OR6B1: variants seen among roughly 807,000 people sequenced by gnomAD.
The protein encoded by OR6B1 is olfactory receptor 6B1.
OR6B1 carries 15 observed loss-of-function variants against 15.4 expected under a neutral mutation model. That is an observed-to-expected ratio of 0.97 (90% CI 0.65 to 1.50). The LOEUF (loss-of-function observed/expected upper bound fraction) is 1.50, where lower values mean the gene tolerates loss of function less well. Among genes scored for constraint, OR6B1 ranks in the 40% most tolerant of loss-of-function variants. OR6B1 has a pLI of 0.00. For synonymous variants in OR6B1, 139 were observed against 144.9 expected (o/e 0.96, Z 0.29); for missense variants, 384 against 385.0 (o/e 1.00, Z 0.02).
intron 1 of OR6B1, among the ~76,000 whole-genome samples, chr7:144,002,560 G>A (rs1375304479): frequency 3.9e-5 from 6 of 152,076 alleles, no homozygotes; most frequent in African/African-American, 9.7e-5. Flanking sequence ...CTGCTTCTCT[G>A]GAACCACAGT....
Position 144,005,642 on chromosome 7 carries a change from C to G in OR6B1, c.*710C>G, listed in dbSNP as rs1329565281. ...TAAATATCATCAAATATATGAATTG[C>G]CAAACAATAATTGCCCTCATTACTT... is the stretch of plus-strand genomic sequence containing the variant. On this transcript the variant is annotated 3_prime_UTR_variant, in exon 2 of 2. Coordinates refer to ENST00000641698, the MANE Select transcript of OR6B1 (RefSeq NM_001005281.3). 6.6e-6 allele frequency: 1 copy of G among 151,994 alleles called. No individual in the cohort carries two copies. Among genetic ancestry groups the G allele is most frequent in the Non-Finnish European group, 1.5e-5 (1 of 68,000 alleles). The allele number at this position is 151,994 out of a possible 1,614,324, so 9.4% of individuals were successfully genotyped here.
rs1411232187 is a variant in OR6B1, at chr7:144,007,297, G to C, written c.*2365G>C. ...AATCTGCCTCAACAGAGAAAATAAT[G>C]TATAGTGGATTACTGGTTAAATTCA... On this transcript the variant is annotated 3_prime_UTR_variant, in exon 2 of 2. Transcript: ENST00000641698. 1 of 152,100 alleles carries C rather than the reference G, an allele frequency of 6.6e-6. No homozygotes were observed. Among genetic ancestry groups the C allele is most frequent in the African/African-American group, 2.4e-5 (1 of 41,406 alleles). The allele number at this position is 152,100 out of a possible 1,614,324, so 9.4% of individuals were successfully genotyped here.
Position 144,004,069 on chromosome 7 carries a change from G to A in OR6B1, c.73G>A (p.Ala25Thr), listed in dbSNP as rs145508293. ...VGFPGSLSMR[A>T]AMFLIFLVAY... ...ATTCCCTGGGAGCTTGAGTATGCGG[G>A]CAGCCATGTTTCTGATATTCCTTGT... is the stretch of plus-strand genomic sequence containing the variant. The change falls in exon 2 of 2, where the codon GCA becomes ACA. Residue 25 changes from alanine (A) to threonine (T), a missense_variant. Coordinates refer to ENST00000641698, the MANE Select transcript of OR6B1 (RefSeq NM_001005281.3). The A allele has an allele frequency of 9.5e-5, 153 of 1,614,042 alleles. No homozygotes were observed. The Middle Eastern group carries it at 9.9e-4, about 10-fold the overall frequency.
chr7:144,001,920 C>G (rs542965256), intron 1 of OR6B1, among the ~76,000 whole-genome samples: 1 of 152,180 alleles, frequency 6.6e-6, no homozygotes, highest in Non-Finnish European at 1.5e-5. Context: ...TCTATACATT[C>G]ATTTCTGTTA....
At position 144,007,362 on chromosome 7, in the gene OR6B1, G is replaced by A. The variant is rs1400032111; in HGVS notation, c.*2430G>A. The A allele has an allele frequency of 6.6e-6, 1 of 152,056 alleles. No individual in the cohort carries two copies. Among genetic ancestry groups the A allele is most frequent in the East Asian group, 1.9e-4 (1 of 5,192 alleles). 9.4% of individuals were successfully genotyped at this position (152,056 alleles called of 1,614,324 possible). On this transcript the variant is annotated 3_prime_UTR_variant, in exon 2 of 2. Coordinates refer to ENST00000641698, the MANE Select transcript of OR6B1 (RefSeq NM_001005281.3). Reference sequence around the variant, plus strand: ...ATTTCTAAGGTGACACACAAAGCAAGCCGGAAGTTTCAGGGCATTTGGTGA... The same window carrying A: ...ATTTCTAAGGTGACACACAAAGCAAACCGGAAGTTTCAGGGCATTTGGTGA...
At position 144,004,367 on chromosome 7, in the gene OR6B1, TG is replaced by T. The variant is rs1366308412; in HGVS notation, c.373del (p.Ala125ProfsTer11). On this transcript the variant is annotated frameshift_variant, in exon 2 of 2. Transcript: ENST00000641698. LOFTEE classifies it high-confidence loss of function. ...GCCGCCATGGCCTATGACCGGTATG[TG>T]GCCATCTGTCGCCCACTCCACTACC... ...LLAAMAYDRY[V>X]AICRPLHYPT... 6.2e-7 allele frequency: 1 copy of T among 1,614,232 alleles called. No individual in the cohort carries two copies. Among genetic ancestry groups the T allele is most frequent in the South Asian group, 1.1e-5 (1 of 91,084 alleles).
rs745433880 is a variant in OR6B1 at position 144,004,771 on chromosome 7, C to T, written c.775C>T (p.Arg259Ter). Residue 259 changes from arginine (R) to a stop codon, truncating the protein, a stop_gained, in exon 2 of 2, where the codon CGA becomes TGA. Coordinates refer to ENST00000641698, the MANE Select transcript of OR6B1 (RefSeq NM_001005281.3). LOFTEE classifies it high-confidence loss of function. The part of the protein sequence containing the change: ...FYSAIIFMYA[R>*]PRVIHAFNMN... The stretch of plus-strand genomic sequence containing the variant: ...TTCAGCCATTATTTTCATGTATGCT[C>T]GACCTCGAGTTATCCATGCCTTCAA... 20 of 1,614,128 alleles carry T rather than the reference C, an allele frequency of 1.2e-5. No individual in the cohort carries two copies. The South Asian group carries it at 1.4e-4, about 12-fold the overall frequency.
rs150626608 is a variant in OR6B1 at position 144,002,467 on chromosome 7, C to T, written c.-25-1505C>T. ...ATAAGCTCTATATTTGGGGTTCCTC[C>T]GTGATTTCTTTCTTTCTCTCACCTT... On this transcript the variant is annotated intron_variant, in intron 1 of 1. Coordinates refer to ENST00000641698, the MANE Select transcript of OR6B1 (RefSeq NM_001005281.3). Among the ~76,000 whole-genome samples the T allele has an allele frequency of 2.7e-3, 406 of 152,216 alleles. 2 individuals carry two copies. The highest frequency in any genetic ancestry group is 9.2e-3 in the African/African-American group (383 of 41,516).
Position 144,004,590 on chromosome 7 carries a change from A to G in OR6B1, c.594A>G (p.Val198=). The G allele has an allele frequency of 6.2e-7, 1 of 1,614,164 alleles. No individual in the cohort carries two copies. Among genetic ancestry groups the G allele is most frequent in the Non-Finnish European group, 8.5e-7 (1 of 1,180,016 alleles). ...CAGACATGTCCATAACTGAGTTGGTAGACTTTATCCTGGCACTGGTCATCT... is the reference window on the plus strand; with the variant it reads ...CAGACATGTCCATAACTGAGTTGGTGGACTTTATCCTGGCACTGGTCATCT... ...SCTDMSITEL[V]DFILALVIFL... The change falls in exon 2 of 2, where the codon GTA becomes GTG. Residue 198 remains valine, a synonymous_variant. Coordinates refer to ENST00000641698, the MANE Select transcript of OR6B1 (RefSeq NM_001005281.3).
rs944036279 is a variant in OR6B1, at chr7:144,008,466, G to C, written c.*3534G>C. On this transcript the variant is annotated 3_prime_UTR_variant, in exon 2 of 2. Coordinates refer to ENST00000641698, the MANE Select transcript of OR6B1 (RefSeq NM_001005281.3). ...TGAGCAGCCAGAGCAGTGAGAAAAG[G>C]GTAAGCAGGTGATATGGTCTGGCTC... 1 of 152,230 alleles carries C rather than the reference G, an allele frequency of 6.6e-6. No homozygotes were observed. Among genetic ancestry groups the C allele is most frequent in the Non-Finnish European group, 1.5e-5 (1 of 68,098 alleles). The allele number at this position is 152,230 out of a possible 1,614,324, so 9.4% of individuals were successfully genotyped here. A position where few individuals can be genotyped will look rare whatever the true frequency, so the allele number is the denominator to read the frequency against.
Position 144,005,150 on chromosome 7 carries a change from G to A in OR6B1, c.*218G>A, listed in dbSNP as rs1015241898. 1.0e-5 allele frequency: 5 copies of A among 493,982 alleles called. No homozygotes were observed. Among genetic ancestry groups the A allele is most frequent in the Admixed American group, 7.6e-5 (2 of 26,476 alleles). The allele number at this position is 493,982 out of a possible 1,614,324, so 30.6% of individuals were successfully genotyped here. On this transcript the variant is annotated 3_prime_UTR_variant, in exon 2 of 2. Coordinates refer to ENST00000641698, the MANE Select transcript of OR6B1 (RefSeq NM_001005281.3). ...GAGCTAGAGAAAACAGTTCTCAATG[G>A]TTGTGACCCCAAATGGGGTTTCTAA...
rs2050623768 is a variant in OR6B1 at position 144,006,300 on chromosome 7, C to T, written c.*1368C>T. The T allele has an allele frequency of 6.6e-6, 1 of 152,094 alleles. No homozygotes were observed. The highest frequency in any genetic ancestry group is 2.4e-5 in the African/African-American group (1 of 41,416). The allele number at this position is 152,094 out of a possible 1,614,324, so 9.4% of individuals were successfully genotyped here. A position where few individuals can be genotyped will look rare whatever the true frequency, so the allele number is the denominator to read the frequency against. On this transcript the variant is annotated 3_prime_UTR_variant, in exon 2 of 2. Transcript: ENST00000641698. ...GAATGGGCTCTCCCTAGAGAGAAAA[C>T]ATACTTCTTTAGAAGCCAAGTATGA...
In OR6B1 at chr7:144,003,773, T is replaced by TCTCACACACA. The variant is rs1554405844; in HGVS notation, c.-25-198_-25-197insTCACACACAC. Among the ~76,000 whole-genome samples, 293 of 140,228 alleles carry TCTCACACACA rather than the reference T, an allele frequency of 2.1e-3. 1 individual carries two copies. Among genetic ancestry groups the TCTCACACACA allele is most frequent in the African/African-American group, 7.3e-3 (283 of 38,570 alleles). The allele number at this position is 140,228 out of a possible 152,430, so 92.0% of individuals were successfully genotyped here. A position where few individuals can be genotyped will look rare whatever the true frequency, so the allele number is the denominator to read the frequency against. On this transcript the variant is annotated intron_variant, in intron 1 of 1. Transcript: ENST00000641698. ...TTCTTCATCTTTAAAACAGATACAA[T>TCTCACACACA]CACACACACACACACACACACACAC...
In OR6B1 at chr7:144,006,293, G is replaced by A. The variant is rs1346346471; in HGVS notation, c.*1361G>A. 6.6e-6 allele frequency: 1 copy of A among 152,170 alleles called. No individual in the cohort carries two copies. The highest frequency in any genetic ancestry group is 2.4e-5 in the African/African-American group (1 of 41,448). The allele number at this position is 152,170 out of a possible 1,614,324, so 9.4% of individuals were successfully genotyped here. On this transcript the variant is annotated 3_prime_UTR_variant, in exon 2 of 2. Coordinates refer to ENST00000641698, the MANE Select transcript of OR6B1 (RefSeq NM_001005281.3). ...CTCTAGTGAATGGGCTCTCCCTAGA[G>A]AGAAAACATACTTCTTTAGAAGCCA... is the stretch of plus-strand genomic sequence containing the variant.
At position 144,008,779 on chromosome 7, in the gene OR6B1, C is replaced by T. The variant is rs749866651; in HGVS notation, c.*3847C>T. On this transcript the variant is annotated 3_prime_UTR_variant, in exon 2 of 2. Coordinates refer to ENST00000641698, the MANE Select transcript of OR6B1 (RefSeq NM_001005281.3). ...CATGTGGAACTGTAAGTCAATTAAACGTTTTTAAAGTAAATTACCCAGTCT... is the reference window on the plus strand; with the variant it reads ...CATGTGGAACTGTAAGTCAATTAAATGTTTTTAAAGTAAATTACCCAGTCT... The T allele has an allele frequency of 3.9e-5, 6 of 152,182 alleles. No individual in the cohort carries two copies. The highest frequency in any genetic ancestry group is 7.3e-5 in the Non-Finnish European group (5 of 68,034). 9.4% of individuals were successfully genotyped at this position (152,182 alleles called of 1,614,324 possible).
At chr7:144,001,265 C>T (rs2050583544) in intron 1 of OR6B1, among the ~76,000 whole-genome samples, 1 of 152,124 alleles carries the variant, frequency 6.6e-6, no homozygotes, top group Non-Finnish European at 1.5e-5. Context: ...TAAGGTGATA[C>T]ATAAAAATAC....
Position 144,007,671 on chromosome 7 carries a change from C to CCTTT in OR6B1, c.*2740_*2743dup, listed in dbSNP as rs1388751703. Reference sequence around the variant, plus strand: ...GAGCAGAAACAGATAGCAGATAATACCTTTGTGTGTGTGTGTGTGTGTGTG... The same window carrying CCTTT: ...GAGCAGAAACAGATAGCAGATAATACCTTTCTTTGTGTGTGTGTGTGTGTGTGTG... On this transcript the variant is annotated 3_prime_UTR_variant, in exon 2 of 2. Coordinates refer to ENST00000641698, the MANE Select transcript of OR6B1 (RefSeq NM_001005281.3). 8.3e-6 allele frequency: 1 copy of CCTTT among 121,092 alleles called. No homozygotes were observed. The highest frequency in any genetic ancestry group is 3.1e-5 in the African/African-American group (1 of 32,682). The allele number at this position is 121,092 out of a possible 1,614,324, so 7.5% of individuals were successfully genotyped here. A position where few individuals can be genotyped will look rare whatever the true frequency, so the allele number is the denominator to read the frequency against.
At chr7:144,003,789 A>G in intron 1 of OR6B1, 183 bp from the exon 2 acceptor site, 1 of 576,314 alleles carries the variant, frequency 1.7e-6, no homozygotes. Flanking sequence ...ACACACACAC[A>G]CACACACACA....
At position 144,007,145 on chromosome 7, in the gene OR6B1, G is replaced by A. The variant is rs780749538; in HGVS notation, c.*2213G>A. 74 of 152,038 alleles carry A rather than the reference G, an allele frequency of 4.9e-4. No individual in the cohort carries two copies. Among genetic ancestry groups the A allele is most frequent in the African/African-American group, 1.7e-3 (72 of 41,392 alleles). 9.4% of individuals were successfully genotyped at this position (152,038 alleles called of 1,614,324 possible). The stretch of plus-strand genomic sequence containing the variant: ...TTGGAAAGGGAGAATGTAGAAGTAG[G>A]GTTTCTTGGGGAATTCTATTAAATT... On this transcript the variant is annotated 3_prime_UTR_variant, in exon 2 of 2. Coordinates refer to ENST00000641698, the MANE Select transcript of OR6B1 (RefSeq NM_001005281.3).
Sources: gnomAD v4.1 joint callset for allele counts (sites outside exome capture counted in the v4.1 genomes callset) on GRCh38, gnomAD v4.1.1 for gene constraint, MANE v1.5 for transcripts, NCBI Gene and HGNC (gene_info 2026-07-23, HGNC 2026-07-21) for gene names.